CDK14: variants seen among roughly 807,000 people sequenced by gnomAD.
CDK14 encodes cyclin-dependent kinase 14.
In CDK14, 34 loss-of-function variants were observed where a neutral mutation model predicts 60.7. The observed-to-expected ratio is 0.56, with a 90% confidence interval of 0.43 to 0.75. The LOEUF is 0.75. Ranked by LOEUF, CDK14 falls within the 30% of genes least tolerant of loss-of-function variation. The probability of loss-of-function intolerance (pLI) is 0.00; values close to 1 mark genes in which losing one functional copy is unlikely to be tolerated. For synonymous variants in CDK14, 197 were observed against 203.7 expected (o/e 0.97, Z 0.28); for missense variants, 482 against 564.1 (o/e 0.85, Z 1.47).
chr7:90,665,374 G>A (rs1367535373), intron 2 of CDK14, among the ~76,000 whole-genome samples: 2 of 152,208 alleles, frequency 1.3e-5, no homozygotes, highest in East Asian at 1.9e-4. Flanking sequence ...GGCAGGTACT[G>A]TGCTGGTTTC....
chr7:90,688,475 A>G (rs1211077960), intron 2 of CDK14, among the ~76,000 whole-genome samples: 1 of 152,212 alleles, frequency 6.6e-6, no homozygotes, highest in Non-Finnish European at 1.5e-5. Flanking sequence ...TTCAAAATAT[A>G]ATAATTTCTC....
chr7:91,095,894 C>T (rs1798969329), intron 12 of CDK14, among the ~76,000 whole-genome samples: 1 of 151,580 alleles, frequency 6.6e-6, no homozygotes, highest in Admixed American at 6.6e-5. Flanking sequence ...ATTTTAATAA[C>T]AAAAATGTTG....
At chr7:90,719,659 T>C (rs972279656) in intron 2 of CDK14, among the ~76,000 whole-genome samples, 1 of 152,170 alleles carries the variant, frequency 6.6e-6, no homozygotes, top group African/African-American at 2.4e-5. Context: ...TGAATATCCA[T>C]ATGTGTGGGT....
intron 14 of CDK14, among the ~76,000 whole-genome samples, chr7:91,147,018 G>A (rs1441533709): frequency 6.6e-6 from 1 of 152,092 alleles, no homozygotes; most frequent in East Asian, 1.9e-4. Context: ...TTGGGTGGGT[G>A]TAGACAAGTC....
chr7:91,083,573 G>C (rs1798541197), intron 12 of CDK14, among the ~76,000 whole-genome samples: 1 of 152,122 alleles, frequency 6.6e-6, no homozygotes, highest in Non-Finnish European at 1.5e-5. Context: ...GGAGACATTT[G>C]TTTTCATAAG....
intron 9 of CDK14, among the ~76,000 whole-genome samples, chr7:90,960,211 T>C (rs1037200696): frequency 1.3e-5 from 2 of 152,120 alleles, no homozygotes; most frequent in Admixed American, 1.3e-4. Flanking sequence ...CTAAGTCACC[T>C]GCAGCAAATA....
Position 91,006,493 on chromosome 7 carries a change from A to C in CDK14, c.1041+22252A>C, listed in dbSNP as rs533697769. ...CTACTAAATTCATTTTCTTAATTTGATCACATTTTATTTTTAAAAATAATT... is the reference window on the plus strand; with the variant it reads ...CTACTAAATTCATTTTCTTAATTTGCTCACATTTTATTTTTAAAAATAATT... On this transcript the variant is annotated intron_variant, in intron 10 of 14. Transcript: ENST00000380050. Among the ~76,000 whole-genome samples the C allele has an allele frequency of 7.2e-5, 11 of 152,334 alleles. No individual in the cohort carries two copies. The South Asian group carries it at 2.3e-3, about 32-fold the overall frequency.
At chr7:91,155,538 T>C (rs567858693) in intron 14 of CDK14, among the ~76,000 whole-genome samples, 3 of 152,338 alleles carry the variant, frequency 2.0e-5, no homozygotes, top group South Asian at 4.1e-4. Flanking sequence ...TTAAGAAAAC[T>C]TGTGAAGCAG....
intron 10 of CDK14, among the ~76,000 whole-genome samples, chr7:90,992,466 C>T (rs1795567008): frequency 6.6e-6 from 1 of 152,174 alleles, no homozygotes; most frequent in South Asian, 2.1e-4. Flanking sequence ...GACCGCAGTA[C>T]ACAAAATAAC....
rs1051887196 is a variant in CDK14, at chr7:90,726,936, T to C, written c.369+124T>C. 21 of 1,180,954 alleles carry C rather than the reference T, an allele frequency of 1.8e-5. No individual in the cohort carries two copies. In the African/African-American group the frequency reaches 3.1e-4, roughly 17 times the overall value. The allele number at this position is 1,180,954 out of a possible 1,614,324, so 73.2% of individuals were successfully genotyped here. A position where few individuals can be genotyped will look rare whatever the true frequency, so the allele number is the denominator to read the frequency against. ...CCTTATTATGCATTCTCTCCCAGGG[T>C]GGTTGAATGTTTTGGAAGAGAGAGA... On this transcript the variant is annotated intron_variant, in intron 3 of 14. Coordinates refer to ENST00000380050, the MANE Select transcript of CDK14 (RefSeq NM_001287135.2).
rs773782768 is a variant in CDK14, at chr7:91,103,815, G to T, written c.1155-8727G>T. Among the ~76,000 whole-genome samples, 123 of 151,226 alleles carry T rather than the reference G, an allele frequency of 8.1e-4. 2 individuals are homozygous for T. Among genetic ancestry groups the T allele is most frequent in the Admixed American group, 1.2e-3 (18 of 15,210 alleles). ...CTTTCATACATTTTTTTAAAAAACT[G>T]CAAGGAGACCGAGAGAGAGAGAGAG... On this transcript the variant is annotated intron_variant, in intron 12 of 14. Coordinates refer to ENST00000380050, the MANE Select transcript of CDK14 (RefSeq NM_001287135.2).
intron 5 of CDK14, among the ~76,000 whole-genome samples, chr7:90,798,819 G>A (rs755966014): frequency 3.9e-5 from 6 of 152,192 alleles, no homozygotes; most frequent in Non-Finnish European, 8.8e-5. Flanking sequence ...AACTCATTCT[G>A]TCCTCGATGG....
At chr7:91,065,616 GT>G (rs1797951668) in intron 11 of CDK14, among the ~76,000 whole-genome samples, 1 of 152,112 alleles carries the variant, frequency 6.6e-6, no homozygotes, top group African/African-American at 2.4e-5. Context: ...TGATGGCTTG[GT>G]TTTCCTAACA....
chr7:90,756,122 A>G (rs1804047227), intron 4 of CDK14, among the ~76,000 whole-genome samples: 1 of 152,226 alleles, frequency 6.6e-6, no homozygotes, highest in African/African-American at 2.4e-5. Context: ...GTACACCATT[A>G]CTGCTTCCAT....
At chr7:90,898,447 G>A (rs1235222710) in intron 6 of CDK14, among the ~76,000 whole-genome samples, 1 of 152,022 alleles carries the variant, frequency 6.6e-6, no homozygotes, top group Admixed American at 6.6e-5. Flanking sequence ...TACTTCCTCA[G>A]TAATTCAGGC....
At chr7:91,170,334 A>G (rs1474495815) in intron 14 of CDK14, among the ~76,000 whole-genome samples, 1 of 152,188 alleles carries the variant, frequency 6.6e-6, no homozygotes, top group Non-Finnish European at 1.5e-5. Context: ...ATATACTGGG[A>G]AAAATAATGC....
intron 6 of CDK14, among the ~76,000 whole-genome samples, chr7:90,894,760 T>C (rs1792242171): frequency 6.6e-6 from 1 of 152,214 alleles, no homozygotes; most frequent in Non-Finnish European, 1.5e-5. Flanking sequence ...ACATGCCATA[T>C]ATATAACACC....
chr7:91,167,650 G>A (rs2115780177), intron 14 of CDK14, among the ~76,000 whole-genome samples: 1 of 152,308 alleles, frequency 6.6e-6, no homozygotes, highest in Middle Eastern at 3.4e-3. Flanking sequence ...GATCCAAGTG[G>A]ACACCATGAT....
intron 5 of CDK14, chr7:90,824,713 C>T (rs894773911): frequency 2.0e-5 from 3 of 152,050 alleles, no homozygotes; most frequent in African/African-American, 4.8e-5. Flanking sequence ...CATTTTTGAT[C>T]TATGGGGCTA....
Sources: gnomAD v4.1 joint callset for allele counts (sites outside exome capture counted in the v4.1 genomes callset) on GRCh38, gnomAD v4.1.1 for gene constraint, MANE v1.5 for transcripts, NCBI Gene and HGNC (gene_info 2026-07-23, HGNC 2026-07-21) for gene names.